Variants in EGFLAM observed in about 807,000 individuals in gnomAD.
EGFLAM encodes the protein EGF like, fibronectin type III and laminin G domains, also known as pikachurin.
Under a neutral mutation model 113.1 loss-of-function variants are expected in EGFLAM, and 79 were observed. The ratio of observed to expected loss-of-function variants is 0.70; its 90% confidence interval spans 0.58 to 0.84. The LOEUF (loss-of-function observed/expected upper bound fraction) is 0.84. Ranked by LOEUF, EGFLAM falls within the 40% of genes least tolerant of loss-of-function variation. The probability of loss-of-function intolerance (pLI) is 0.00; values close to 1 mark genes in which losing one functional copy is unlikely to be tolerated. For synonymous variants in EGFLAM, 504 were observed against 487.6 expected (o/e 1.03, Z -0.44); for missense variants, 1,265 against 1,291.6 (o/e 0.98, Z 0.32).
At position 38,427,182 on chromosome 5, in the gene EGFLAM, C is replaced by G; in HGVS notation, c.1984C>G (p.Leu662Val). Residue 662 changes from leucine (L) to valine (V), a missense_variant, in exon 14 of 22, where the codon CTG becomes GTG. Leu to Val is a conservative substitution (Grantham distance 32). Transcript: ENST00000322350. ...CTATGACACAGGCAGCAAAGACTTC[C>G]TGTCCATCAACTTGGCAGGGGGCCA... ...YSYDTGSKDFLSINLAGGHVE... is the reference protein window; with the variant it reads ...YSYDTGSKDFVSINLAGGHVE... 4 of 1,614,200 alleles carry G rather than the reference C, an allele frequency of 2.5e-6. No homozygotes were observed. Among genetic ancestry groups the G allele is most frequent in the Non-Finnish European group, 3.4e-6 (4 of 1,180,042 alleles).
intron 1 of EGFLAM, among the ~76,000 whole-genome samples, chr5:38,286,933 G>C (rs911673208): frequency 6.6e-6 from 1 of 152,134 alleles, no homozygotes; most frequent in Non-Finnish European, 1.5e-5. Flanking sequence ...GCCTACCACA[G>C]GGCCCTGACA....
chr5:38,355,609 A>G (rs1211667566), intron 5 of EGFLAM, among the ~76,000 whole-genome samples: 3 of 152,246 alleles, frequency 2.0e-5, no homozygotes, highest in East Asian at 3.8e-4. Context: ...TATGGGAAAG[A>G]GAAGAGCTTT....
intron 6 of EGFLAM, among the ~76,000 whole-genome samples, chr5:38,385,898 C>T (rs1269425445): frequency 6.6e-6 from 1 of 152,182 alleles, no homozygotes; most frequent in African/African-American, 2.4e-5. Flanking sequence ...CTTAGACAAA[C>T]CTAGACGGTA....
chr5:38,279,975 T>C (rs1290036561), intron 1 of EGFLAM, among the ~76,000 whole-genome samples: 1 of 152,158 alleles, frequency 6.6e-6, no homozygotes, highest in African/African-American at 2.4e-5. Flanking sequence ...TTGTGCATAA[T>C]AAATACACAC....
At chr5:38,329,465 C>A (rs1455146258) in intron 1 of EGFLAM, among the ~76,000 whole-genome samples, 3 of 152,134 alleles carry the variant, frequency 2.0e-5, no homozygotes. Context: ...CACTCACCAG[C>A]TGCCGGCAAC....
chr5:38,292,445 C>T (rs1260981170), intron 1 of EGFLAM, among the ~76,000 whole-genome samples: 5 of 152,204 alleles, frequency 3.3e-5, no homozygotes, highest in Non-Finnish European at 7.3e-5. Context: ...CAGTGGCGGT[C>T]TCTTGCAAGT....
intron 11 of EGFLAM, among the ~76,000 whole-genome samples, chr5:38,417,428 T>A (rs1027170054): frequency 6.6e-6 from 1 of 151,938 alleles, no homozygotes; most frequent in Admixed American, 6.6e-5. Flanking sequence ...AGCTCTGTAT[T>A]TTGTAACCTT....
intron 17 of EGFLAM, among the ~76,000 whole-genome samples, chr5:38,439,986 T>C (rs1031334917): frequency 6.6e-6 from 1 of 152,230 alleles, no homozygotes; most frequent in Non-Finnish European, 1.5e-5. Context: ...TGTGATCTTG[T>C]TAGCCCTCAT....
chr5:38,403,216 C>A (rs530316357), intron 6 of EGFLAM: 2 of 152,558 alleles, frequency 1.3e-5, no homozygotes, highest in African/African-American at 4.8e-5. Flanking sequence ...GGATGTGTTC[C>A]AAGATTCCCA....
At chr5:38,442,861 A>G (rs146330683) in intron 17 of EGFLAM, among the ~76,000 whole-genome samples, 298 of 152,366 alleles carry the variant, frequency 2.0e-3, no homozygotes, top group Non-Finnish European at 3.7e-3. Flanking sequence ...ACATGGTCAT[A>G]TAAGATGTCT....
intron 1 of EGFLAM, among the ~76,000 whole-genome samples, chr5:38,262,651 G>C (rs1757529052): frequency 6.6e-6 from 1 of 152,170 alleles, no homozygotes; most frequent in Non-Finnish European, 1.5e-5. Context: ...GCATATATTG[G>C]AAGTTTGTTC....
chr5:38,413,001 T>C (rs976483241), intron 11 of EGFLAM, among the ~76,000 whole-genome samples: 2 of 152,036 alleles, frequency 1.3e-5, no homozygotes, highest in Non-Finnish European at 2.9e-5. Flanking sequence ...AGAAGGCCCA[T>C]ATTAGAAAAA....
intron 14 of EGFLAM, among the ~76,000 whole-genome samples, chr5:38,428,010 T>C (rs1241540374): frequency 1.3e-5 from 2 of 152,140 alleles, no homozygotes; most frequent in Non-Finnish European, 1.5e-5. Context: ...ATGTCTCCCA[T>C]CTTTTTATTG....
At chr5:38,446,160 A>G (rs1259612897) in intron 17 of EGFLAM, among the ~76,000 whole-genome samples, 1 of 151,962 alleles carries the variant, frequency 6.6e-6, no homozygotes, top group South Asian at 2.1e-4. Context: ...CTTCCCAGCC[A>G]TGGTGTCCTG....
At position 38,300,365 on chromosome 5, in the gene EGFLAM, ATCTC is replaced by A. The variant is rs946740961; in HGVS notation, c.98-37147_98-37144del. Among the ~76,000 whole-genome samples the A allele has an allele frequency of 2.8e-5, 4 of 144,716 alleles. No individual in the cohort carries two copies. In the South Asian group the frequency reaches 6.5e-4, roughly 23 times the overall value. 94.9% of individuals were successfully genotyped at this position (144,716 alleles called of 152,430 possible). On this transcript the variant is annotated intron_variant, in intron 1 of 21. Transcript: ENST00000322350. Reference sequence around the variant, plus strand: ...CTTCCCTTCTCTTCTCTTCTTCTCTATCTCTCTCTCTTTTTTTTTTTTTTTTGAG... The same window carrying A: ...CTTCCCTTCTCTTCTCTTCTTCTCTATCTCTCTTTTTTTTTTTTTTTTGAG...
rs77488250 is a variant in EGFLAM at position 38,300,826 on chromosome 5, T to G, written c.98-36694T>G. 9.1e-3 allele frequency among the ~76,000 whole-genome samples: 1,383 copies of G among 152,148 alleles called. 17 individuals are homozygous for G. The highest frequency in any genetic ancestry group is 0.046 in the East Asian group (237 of 5,160). On this transcript the variant is annotated intron_variant, in intron 1 of 21. Transcript: ENST00000322350. ...AGCAAGCAGCAGAGGTGGTGAGAAG[T>G]GATTAAATTGGGGCAATACTTTGAA...
At chr5:38,413,485 G>A (rs140790322) in intron 11 of EGFLAM, among the ~76,000 whole-genome samples, 1 of 151,512 alleles carries the variant, frequency 6.6e-6, no homozygotes, top group East Asian at 1.9e-4. Flanking sequence ...TGTAGGAAAT[G>A]GTTAAAAAAA....
intron 1 of EGFLAM, among the ~76,000 whole-genome samples, chr5:38,283,398 T>C (rs905493000): frequency 6.6e-6 from 1 of 152,228 alleles, no homozygotes; most frequent in Non-Finnish European, 1.5e-5. Flanking sequence ...TTCATTGTTA[T>C]AATGGGGAAG....
At chr5:38,362,251 T>C (rs972979441) in intron 5 of EGFLAM, among the ~76,000 whole-genome samples, 1 of 152,236 alleles carries the variant, frequency 6.6e-6, no homozygotes, top group East Asian at 1.9e-4. Flanking sequence ...TATGACTAAC[T>C]TGAAAGTTCC....
Sources: allele counts gnomAD v4.1 joint callset (sites outside exome capture counted in the v4.1 genomes callset), GRCh38; gene constraint gnomAD v4.1.1; transcripts MANE v1.5; gene names NCBI Gene and HGNC (gene_info 2026-07-23, HGNC 2026-07-21).